PPP1R1C: variants seen among roughly 807,000 people sequenced by gnomAD.
The protein encoded by PPP1R1C is protein phosphatase 1 regulatory inhibitor subunit 1C.
Under a neutral mutation model 17.4 loss-of-function variants are expected in PPP1R1C, and 15 were observed. That is an observed-to-expected ratio of 0.86 (90% CI 0.58 to 1.33). The LOEUF is 1.33. Among genes scored for constraint, PPP1R1C ranks in the 40% most tolerant of loss-of-function variants. PPP1R1C has a pLI of 0.00. For missense variants in PPP1R1C, 143 were observed against 130.0 expected, an observed-to-expected ratio of 1.10 and a Z score of -0.48; for synonymous variants, 35 against 43.1, an observed-to-expected ratio of 0.81 and a Z score of 0.73.
At chr2:182,109,902 T>A (rs961134189) in intron 4 of PPP1R1C, among the ~76,000 whole-genome samples, 2 of 152,164 alleles carry the variant, frequency 1.3e-5, no homozygotes, top group African/African-American at 2.4e-5. Context: ...GTTGTAATAT[T>A]TGTGCTCCAT....
intron 2 of PPP1R1C, among the ~76,000 whole-genome samples, chr2:182,037,281 G>A (rs1220660767): frequency 1.3e-5 from 2 of 152,198 alleles, no homozygotes; most frequent in African/African-American, 2.4e-5. Context: ...AAGAAGACTT[G>A]AATCTAAGTT....
chr2:182,066,134 T>C (rs1273649639), intron 4 of PPP1R1C, among the ~76,000 whole-genome samples: 1 of 152,152 alleles, frequency 6.6e-6, no homozygotes, highest in Admixed American at 6.5e-5. Flanking sequence ...CATTACACAT[T>C]GTTGGCAAAT....
chr2:181,956,243 G>T (rs1684667988), intron 1 of PPP1R1C, among the ~76,000 whole-genome samples: 1 of 152,122 alleles, frequency 6.6e-6, no homozygotes, highest in Non-Finnish European at 1.5e-5. Context: ...CTTTCTTATG[G>T]CTGCATAGTA....
At chr2:182,061,757 A>C (rs1687856951) in intron 3 of PPP1R1C, among the ~76,000 whole-genome samples, 1 of 152,074 alleles carries the variant, frequency 6.6e-6, no homozygotes, top group African/African-American at 2.4e-5. Flanking sequence ...TTATTGAGTG[A>C]TTATATATGC....
intron 4 of PPP1R1C, among the ~76,000 whole-genome samples, chr2:182,115,567 C>T (rs150709953): frequency 0.015 from 2,277 of 152,044 alleles, 34 homozygotes; most frequent in South Asian, 0.058. Flanking sequence ...CTTAATAAAC[C>T]CTCTTCCCTT....
At chr2:182,003,473 C>A (rs775875506) in intron 2 of PPP1R1C, among the ~76,000 whole-genome samples, 2 of 152,126 alleles carry the variant, frequency 1.3e-5, no homozygotes, top group African/African-American at 2.4e-5. Context: ...TTTTAAGATA[C>A]TCAGATTCCA....
At chr2:182,029,219 G>C (rs2125169425) in intron 2 of PPP1R1C, among the ~76,000 whole-genome samples, 1 of 149,778 alleles carries the variant, frequency 6.7e-6, no homozygotes, top group African/African-American at 2.5e-5. Context: ...TACATTTAAA[G>C]TTAATATTGT....
At chr2:182,067,330 G>T (rs1688012700) in intron 4 of PPP1R1C, among the ~76,000 whole-genome samples, 1 of 151,320 alleles carries the variant, frequency 6.6e-6, no homozygotes, top group Non-Finnish European at 1.5e-5. Flanking sequence ...TCCAAGGATG[G>T]CTATGATCTT....
In PPP1R1C at chr2:182,095,907, G is replaced by A. The variant is rs953409217; in HGVS notation, c.242-21300G>A. ...GGAGAATCTCTTGAATCCAGGAGGT[G>A]GAGATTACAGTGAGCCAAGATCGCG... On this transcript the variant is annotated intron_variant, in intron 4 of 4. Coordinates refer to ENST00000682840, the MANE Select transcript of PPP1R1C (RefSeq NM_001080545.3). Among the ~76,000 whole-genome samples the A allele has an allele frequency of 2.0e-5, 3 of 151,634 alleles. No individual in the cohort carries two copies. The South Asian group carries it at 6.2e-4, about 32-fold the overall frequency.
intron 2 of PPP1R1C, among the ~76,000 whole-genome samples, chr2:182,015,213 TAATTG>T (rs528595475): frequency 5.9e-5 from 9 of 152,250 alleles, no homozygotes; most frequent in African/African-American, 2.2e-4. Context: ...TGGTGGGAGA[TAATTG>T]AATCATGGGG....
intron 2 of PPP1R1C, among the ~76,000 whole-genome samples, chr2:182,031,331 G>A (rs1686829826): frequency 6.6e-6 from 1 of 152,204 alleles, no homozygotes; most frequent in Admixed American, 6.5e-5. Flanking sequence ...AATATTGAGT[G>A]GCTTTCTTCA....
chr2:182,042,689 C>T (rs1687221456), intron 2 of PPP1R1C, among the ~76,000 whole-genome samples: 1 of 152,194 alleles, frequency 6.6e-6, no homozygotes, highest in South Asian at 2.1e-4. Flanking sequence ...TATTAGTCCT[C>T]TGCTACAATA....
intron 4 of PPP1R1C, among the ~76,000 whole-genome samples, chr2:182,082,317 T>C (rs1688504835): frequency 6.6e-6 from 1 of 152,212 alleles, no homozygotes; most frequent in African/African-American, 2.4e-5. Flanking sequence ...TAATATTTTC[T>C]TTCAGGACTC....
At chr2:182,110,644 C>T (rs572659686) in intron 4 of PPP1R1C, among the ~76,000 whole-genome samples, 3 of 152,178 alleles carry the variant, frequency 2.0e-5, no homozygotes, top group Non-Finnish European at 4.4e-5. Context: ...GAAACACACA[C>T]AACATTTGCT....
chr2:182,068,232 G>A (rs1395799093), intron 4 of PPP1R1C, among the ~76,000 whole-genome samples: 1 of 152,128 alleles, frequency 6.6e-6, no homozygotes, highest in Non-Finnish European at 1.5e-5. Flanking sequence ...ACATATGATT[G>A]CTGTAGGGAC....
At chr2:182,101,009 A>G (rs1452184201) in intron 4 of PPP1R1C, among the ~76,000 whole-genome samples, 1 of 152,198 alleles carries the variant, frequency 6.6e-6, no homozygotes, top group East Asian at 1.9e-4. Flanking sequence ...ATTCCCTATA[A>G]GAAAGGGAAG....
Position 182,117,406 on chromosome 2 carries a change from C to T in PPP1R1C, c.*111C>T. On this transcript the variant is annotated 3_prime_UTR_variant, in exon 5 of 5. Coordinates refer to ENST00000682840, the MANE Select transcript of PPP1R1C (RefSeq NM_001080545.3). ...TCCAGAAGCATCCTCCATCTCTGCACCCCACACTCATACAGTAGCTATGCA... is the reference window on the plus strand; with the variant it reads ...TCCAGAAGCATCCTCCATCTCTGCATCCCACACTCATACAGTAGCTATGCA... The T allele has an allele frequency of 2.7e-6, 2 of 731,252 alleles. No individual in the cohort carries two copies. Among genetic ancestry groups the T allele is most frequent in the South Asian group, 1.8e-5 (1 of 54,506 alleles). 45.3% of individuals were successfully genotyped at this position (731,252 alleles called of 1,614,324 possible). A position where few individuals can be genotyped will look rare whatever the true frequency, so the allele number is the denominator to read the frequency against.
intron 5 of PPP1R1C, among the ~76,000 whole-genome samples, chr2:182,123,071 C>G (rs964896095): frequency 3.9e-5 from 6 of 152,142 alleles, no homozygotes; most frequent in African/African-American, 1.4e-4. Context: ...TTCTCATTGT[C>G]TAACTTCCAC....
chr2:182,044,753 A>G (rs1434352265), intron 2 of PPP1R1C, among the ~76,000 whole-genome samples: 1 of 152,226 alleles, frequency 6.6e-6, no homozygotes, highest in Non-Finnish European at 1.5e-5. Context: ...CATAGCACAG[A>G]GTATATATGC....
Sources: allele counts gnomAD v4.1 joint callset (sites outside exome capture counted in the v4.1 genomes callset), GRCh38; gene constraint gnomAD v4.1.1; transcripts MANE v1.5; gene names NCBI Gene and HGNC (gene_info 2026-07-23, HGNC 2026-07-21).